The following TRIM63 variants were observed in gnomAD, a reference collection of about 807,000 sequenced individuals.
TRIM63 encodes the protein E3 ubiquitin-protein ligase TRIM63.
A neutral mutation model predicts 46.0 loss-of-function variants in TRIM63; 48 were observed. The observed-to-expected ratio is 1.04, with a 90% CI of 0.83 to 1.33. TRIM63 has a LOEUF of 1.33. Among genes scored for constraint, TRIM63 ranks in the 40% most tolerant of loss-of-function variants. TRIM63 has a pLI of 0.00. For synonymous variants in TRIM63, 175 were observed against 162.8 expected (o/e 1.08, Z -0.57); for missense variants, 455 against 441.2 (o/e 1.03, Z -0.28).
chr1:26,057,526 T>A, intron 6 of TRIM63, 102 bp downstream of exon 6: 1 of 1,446,208 alleles, frequency 6.9e-7, no homozygotes, highest in Non-Finnish European at 9.4e-7. Flanking sequence ...CAGCCTAGAG[T>A]GAGACCCTCC....
intron 7 of TRIM63, among the ~76,000 whole-genome samples, chr1:26,056,442 C>T (rs751449666): frequency 6.6e-6 from 1 of 152,188 alleles, no homozygotes; most frequent in Non-Finnish European, 1.5e-5. Context: ...TAGGGCTCTA[C>T]AGGACCTTTC....
In TRIM63 at chr1:26,066,259, A is replaced by G. The variant is rs1365065146; in HGVS notation, c.332+9T>C. ...GGAGGGCGGGCCCCCAGCAGGCACG[A>G]GAACCGACCTGGAGCACTCCTGTTT... On this transcript the variant is annotated intron_variant, in intron 2 of 8. Coordinates refer to ENST00000374272, the MANE Select transcript of TRIM63 (RefSeq NM_032588.4). 6.2e-7 allele frequency: 1 copy of G among 1,613,954 alleles called. No individual in the cohort carries two copies.
chr1:26,057,407 G>A (rs1026967332), intron 6 of TRIM63, 80 bp from the exon 7 acceptor site: 119 of 1,553,722 alleles, frequency 7.7e-5, no homozygotes, highest in Admixed American at 7.3e-4. Flanking sequence ...GCTTTGCCAC[G>A]CCCAGGCCTT....
intron 2 of TRIM63, among the ~76,000 whole-genome samples, chr1:26,065,017 T>TG (rs1284959185): frequency 2.7e-5 from 4 of 149,588 alleles, no homozygotes; most frequent in Non-Finnish European, 6.0e-5. Flanking sequence ...TTGTGTTGTG[T>TG]TGTGTGTGTG....
chr1:26,060,197 G>A, intron 4 of TRIM63, 69 bp downstream of exon 4: 2 of 1,446,378 alleles, frequency 1.4e-6, no homozygotes. Context: ...CTATGGGTGA[G>A]CCTTCCCCAG....
intron 2 of TRIM63, among the ~76,000 whole-genome samples, chr1:26,063,420 G>A (rs2050645753): frequency 1.3e-5 from 2 of 152,128 alleles, no homozygotes; most frequent in African/African-American, 4.8e-5. Flanking sequence ...GGGCTCTATT[G>A]TCCTCTGAAG....
chr1:26,061,883 G>A (rs1014477241), intron 2 of TRIM63, among the ~76,000 whole-genome samples: 2 of 152,162 alleles, frequency 1.3e-5, no homozygotes, highest in Non-Finnish European at 2.9e-5. Context: ...CTCCATCAAG[G>A]TAGGGAAACT....
intron 5 of TRIM63, among the ~76,000 whole-genome samples, chr1:26,057,927 A>G (rs191274116): frequency 1.3e-4 from 20 of 152,258 alleles, no homozygotes; most frequent in Admixed American, 1.3e-3. Context: ...TGAACTCCCC[A>G]ATCCTAACCA....
At chr1:26,054,167 G>A (rs139113691) in intron 7 of TRIM63, among the ~76,000 whole-genome samples, 17 of 152,310 alleles carry the variant, frequency 1.1e-4, no homozygotes, top group African/African-American at 4.1e-4. Context: ...GCAATCCCCC[G>A]CACTCCGTCC....
intron 4 of TRIM63, among the ~76,000 whole-genome samples, chr1:26,059,337 G>A (rs2050601695): frequency 6.6e-6 from 1 of 151,926 alleles, no homozygotes. Flanking sequence ...TTGCCTTTTA[G>A]CTGTGTTTCC....
intron 4 of TRIM63, among the ~76,000 whole-genome samples, chr1:26,059,281 C>T (rs1018938027): frequency 1.6e-4 from 24 of 152,238 alleles, no homozygotes; most frequent in African/African-American, 4.8e-4. Flanking sequence ...CTTGACCTCC[C>T]AAAGTGCTGG....
chr1:26,059,904 G>A lies in TRIM63; in HGVS notation c.597+362C>T, dbSNP rs11811759. 4.6e-3 allele frequency among the ~76,000 whole-genome samples: 699 copies of A among 152,252 alleles called. 5 individuals carry two copies. The highest frequency in any genetic ancestry group is 0.014 in the African/African-American group (596 of 41,528). On this transcript the variant is annotated intron_variant, in intron 4 of 8. Coordinates refer to ENST00000374272, the MANE Select transcript of TRIM63 (RefSeq NM_032588.4). ...AACATGATCCCAGCGTAATTTTCACGCACTTCAAAGTTTGGGAAGTGTTGG... is the reference window on the plus strand; with the variant it reads ...AACATGATCCCAGCGTAATTTTCACACACTTCAAAGTTTGGGAAGTGTTGG...
intron 8 of TRIM63, among the ~76,000 whole-genome samples, chr1:26,052,695 G>A (rs2050533329): frequency 6.6e-6 from 1 of 151,992 alleles, no homozygotes; most frequent in African/African-American, 2.4e-5. Context: ...TCAAACTCCT[G>A]ACCTCAGGTG....
In TRIM63 at chr1:26,058,409, C is replaced by A; in HGVS notation, c.812G>T (p.Gly271Val). 1 of 1,614,136 alleles carries A rather than the reference C, an allele frequency of 6.2e-7. No homozygotes were observed. ...ETAIQSLDEP[G>V]GATFLLTAKQ... ...GCTCACCAAGAGGAAGGTGGCTCCCCCAGGCTCGTCCAGGGACTGGATGGC... is the reference window on the plus strand; with the variant it reads ...GCTCACCAAGAGGAAGGTGGCTCCCACAGGCTCGTCCAGGGACTGGATGGC... Residue 271 changes from glycine (G) to valine (V), a missense_variant, in exon 5 of 9, where the codon GGG becomes GTG. Coordinates refer to ENST00000374272, the MANE Select transcript of TRIM63 (RefSeq NM_032588.4).
chr1:26,066,346 T>C lies in TRIM63; in HGVS notation c.254A>G (p.Asp85Gly). The C allele has an allele frequency of 6.2e-7, 1 of 1,614,072 alleles. No homozygotes were observed. Among genetic ancestry groups the C allele is most frequent in the Non-Finnish European group, 8.5e-7 (1 of 1,179,990 alleles). ...CPTCRHEVIMDRHGVYGLQRN... is the reference protein window; with the variant it reads ...CPTCRHEVIMGRHGVYGLQRN... ...CTGCAGGCCGTACACTCCGTGACGA[T>C]CCATGATCACCTCGTGGCGGCAGGT... is the stretch of plus-strand genomic sequence containing the variant. Residue 85 changes from aspartate (D) to glycine (G), a missense_variant, in exon 2 of 9, where the codon GAT (aspartate) becomes GGT (glycine). Asp to Gly is a moderately conservative substitution (Grantham distance 94, BLOSUM62 -1). Transcript: ENST00000374272.
Position 26,053,977 on chromosome 1 carries a change from A to T in TRIM63, c.980-13T>A. ...TCCTCTTCCTCATCTGTGACAAAAAAACATTTGTGTTAGGATGGGGCCGGT... is the reference window on the plus strand; with the variant it reads ...TCCTCTTCCTCATCTGTGACAAAAATACATTTGTGTTAGGATGGGGCCGGT... On this transcript the variant is annotated splice_polypyrimidine_tract_variant and intron_variant, in intron 7 of 8. Transcript: ENST00000374272. The T allele has an allele frequency of 1.9e-6, 3 of 1,573,590 alleles. No individual in the cohort carries two copies. Among genetic ancestry groups the T allele is most frequent in the Non-Finnish European group, 1.7e-6 (2 of 1,164,582 alleles).
In TRIM63 at chr1:26,053,398, G is replaced by A. The variant is rs754870595; in HGVS notation, c.1051+495C>T. On this transcript the variant is annotated intron_variant, in intron 8 of 8. Coordinates refer to ENST00000374272, the MANE Select transcript of TRIM63 (RefSeq NM_032588.4). ...CTCCTAAGTAGCTGGTACTACAGGC[G>A]CCTGCCACCAAATTCAGCTAATTTT... 1.7e-4 allele frequency among the ~76,000 whole-genome samples: 26 copies of A among 151,268 alleles called. 1 individual carries two copies. The highest frequency in any genetic ancestry group is 2.5e-4 in the Non-Finnish European group (17 of 67,690).
In TRIM63 at chr1:26,058,752, A is replaced by G. The variant is rs1041336696; in HGVS notation, c.598-129T>C. On this transcript the variant is annotated intron_variant, in intron 4 of 8. Transcript: ENST00000374272. ...CTCACTACATACATCCCCACACTACAGAAGAAGAAACAAAGACTTAACAAG... is the reference window on the plus strand; with the variant it reads ...CTCACTACATACATCCCCACACTACGGAAGAAGAAACAAAGACTTAACAAG... The G allele has an allele frequency of 3.8e-5, 27 of 716,524 alleles. No individual in the cohort carries two copies. In the Admixed American group the frequency reaches 6.2e-4, roughly 16 times the overall value. The allele number at this position is 716,524 out of a possible 1,614,324, so 44.4% of individuals were successfully genotyped here.
chr1:26,066,618 T>A (rs1300555457), intron 1 of TRIM63, among the ~76,000 whole-genome samples, 178 bp from the exon 2 acceptor site: 2 of 152,162 alleles, frequency 1.3e-5, no homozygotes, highest in Non-Finnish European at 2.9e-5. Context: ...GAGAAGCAGC[T>A]AAGCAATCGT....
Sources: allele counts gnomAD v4.1 joint callset (sites outside exome capture counted in the v4.1 genomes callset), GRCh38; gene constraint gnomAD v4.1.1; transcripts MANE v1.5; gene names NCBI Gene and HGNC (gene_info 2026-07-23, HGNC 2026-07-21).